Variants in SPEF2 observed in about 807,000 individuals in gnomAD.
SPEF2 encodes the protein sperm flagellar and cilia associated 2.
SPEF2 carries 187 observed loss-of-function variants against 224.6 expected under a neutral mutation model. That is an observed-to-expected ratio of 0.83 (90% CI 0.74 to 0.94). SPEF2 has a LOEUF of 0.94. Among genes scored for constraint, SPEF2 ranks in the 40% least tolerant of loss-of-function variants. SPEF2 has a pLI of 0.00. For synonymous variants in SPEF2, 715 were observed against 707.3 expected, an observed-to-expected ratio of 1.01 and a Z score of -0.17; for missense variants, 2,170 against 2,135.6, an observed-to-expected ratio of 1.02 and a Z score of -0.32.
intron 7 of SPEF2, among the ~76,000 whole-genome samples, chr5:35,656,330 T>C (rs750029931): frequency 6.6e-6 from 1 of 152,182 alleles, no homozygotes; most frequent in Non-Finnish European, 1.5e-5. Context: ...AATTTATTCA[T>C]GGATTCCACT....
At chr5:35,734,144 G>T (rs1228722012) in intron 21 of SPEF2, among the ~76,000 whole-genome samples, 5 of 152,214 alleles carry the variant, frequency 3.3e-5, no homozygotes, top group Non-Finnish European at 7.3e-5. Flanking sequence ...ATGACATAGG[G>T]AAAGAGGGAG....
chr5:35,635,661 C>T (rs1309284997), intron 2 of SPEF2, among the ~76,000 whole-genome samples: 1 of 152,060 alleles, frequency 6.6e-6, no homozygotes. Context: ...ATTTATTTGG[C>T]GAATCCAATT....
In SPEF2 at chr5:35,646,714, A is replaced by G. The variant is rs1011321523; in HGVS notation, c.633A>G (p.Gln211=). 1.1e-5 allele frequency: 17 copies of G among 1,613,824 alleles called. No homozygotes were observed. Among genetic ancestry groups the G allele is most frequent in the Non-Finnish European group, 1.4e-5 (17 of 1,179,910 alleles). ...AAAATGAAATAATGGCCAAAATCCA[A>G]GCAGCTATTATACAGATTCCTAAAC... is the stretch of plus-strand genomic sequence containing the variant. ...RRQNEIMAKI[Q]AAIIQIPKPA... The change falls in exon 5 of 37, where the codon CAA becomes CAG. Residue 211 remains glutamine, a synonymous_variant. Transcript: ENST00000356031.
intron 18 of SPEF2, among the ~76,000 whole-genome samples, chr5:35,706,091 AT>A (rs1358720070): frequency 2.0e-5 from 3 of 151,744 alleles, no homozygotes; most frequent in Non-Finnish European, 4.4e-5. Flanking sequence ...TTAAATTTAA[AT>A]GTTAATTCAC....
At position 35,695,770 on chromosome 5, in the gene SPEF2, G is replaced by T; in HGVS notation, c.2011G>T (p.Val671Phe). The change falls in exon 14 of 37, where the codon GTC (valine) becomes TTC (phenylalanine). Residue 671 changes from valine (V) to phenylalanine (F), a missense_variant. Transcript: ENST00000356031. ...NADKTPKAEE[V>F]KSSDSFLKLT... ...TGATAAAACACCAAAAGCTGAAGAA[G>T]TCAAATCAAGTGATAGTTTCTTAAA... 6.2e-7 allele frequency: 1 copy of T among 1,609,824 alleles called. No individual in the cohort carries two copies. The highest frequency in any genetic ancestry group is 8.5e-7 in the Non-Finnish European group (1 of 1,177,962).
chr5:35,773,411 A>T (rs1438165028), intron 27 of SPEF2, among the ~76,000 whole-genome samples: 1 of 152,106 alleles, frequency 6.6e-6, no homozygotes, highest in Non-Finnish European at 1.5e-5. Context: ...GAGATTACAG[A>T]TTCTTGACAA....
At chr5:35,708,706 A>ATCATCACCTGTATCT (rs1561236742) in intron 18 of SPEF2, among the ~76,000 whole-genome samples, 4 of 7,406 alleles carry the variant, frequency 5.4e-4, no homozygotes, top group South Asian at 5.7e-3. Context: ...CATCACCACC[A>ATCATCACCTGTATCT]CTACCCATCA....
At chr5:35,629,771 A>T (rs371164183) in intron 2 of SPEF2, among the ~76,000 whole-genome samples, 2 of 152,082 alleles carry the variant, frequency 1.3e-5, no homozygotes, top group African/African-American at 4.8e-5. Context: ...TATTCTACAC[A>T]TTTTATATCA....
At chr5:35,760,325 C>A (rs1751067778) in intron 25 of SPEF2, among the ~76,000 whole-genome samples, 1 of 149,792 alleles carries the variant, frequency 6.7e-6, no homozygotes, top group African/African-American at 2.5e-5. Flanking sequence ...ATCTCACCAC[C>A]GCACTCCAGC....
intron 33 of SPEF2, among the ~76,000 whole-genome samples, chr5:35,796,857 A>G (rs551975639): frequency 6.6e-6 from 1 of 152,292 alleles, no homozygotes; most frequent in African/African-American, 2.4e-5. Context: ...AGAGCAGGTA[A>G]GAGAAAGGGT....
rs2078137112 is a variant in SPEF2, at chr5:35,649,544, T to C, written c.791+119T>C. On this transcript the variant is annotated intron_variant, in intron 6 of 36. Transcript: ENST00000356031. ...TCCAGGATCTTTTCACTCCAAAGAA[T>C]CTTGATTCAGAGAGTAATTAGGGAA... 7.1e-6 allele frequency: 5 copies of C among 706,022 alleles called. No individual in the cohort carries two copies. In the South Asian group the frequency reaches 1.4e-4, roughly 20 times the overall value. 43.7% of individuals were successfully genotyped at this position (706,022 alleles called of 1,614,324 possible).
At position 35,667,205 on chromosome 5, in the gene SPEF2, A is replaced by T; in HGVS notation, c.1301A>T (p.Asp434Val). The T allele has an allele frequency of 6.2e-7, 1 of 1,609,284 alleles. No homozygotes were observed. Among genetic ancestry groups the T allele is most frequent in the Non-Finnish European group, 8.5e-7 (1 of 1,177,156 alleles). The change falls in exon 9 of 37, where the codon GAT becomes GTT. Residue 434 changes from aspartate (D) to valine (V), a missense_variant. Asp to Val is a radical substitution (Grantham distance 152, BLOSUM62 -3). Coordinates refer to ENST00000356031, the MANE Select transcript of SPEF2 (RefSeq NM_024867.4). ...TATTCAGTATGTGCAGAAATTTTGG[A>T]TCAAATAGTTGATTTGTCCACTAAA... Reference protein sequence around the residue: ...KHYSVCAEILDQIVDLSTKVA... With the variant: ...KHYSVCAEILVQIVDLSTKVA...
intron 23 of SPEF2, among the ~76,000 whole-genome samples, chr5:35,751,330 G>C (rs916109087): frequency 1.2e-4 from 17 of 142,124 alleles, no homozygotes; most frequent in African/African-American, 4.2e-4. Flanking sequence ...GAGTGGGAGG[G>C]GGGTGAAGGA....
chr5:35,727,832 A>T lies in SPEF2; in HGVS notation c.3063+9A>T, dbSNP rs114936685. ...ATGAACCAGTTCCTGAGGTATGGCC[A>T]TTTAGAATCAAGCTGGCAGAATTCA... On this transcript the variant is annotated intron_variant, in intron 21 of 36. Coordinates refer to ENST00000356031, the MANE Select transcript of SPEF2 (RefSeq NM_024867.4). 1,281 of 1,605,224 alleles carry T rather than the reference A, an allele frequency of 8.0e-4. 8 individuals carry two copies. In the African/African-American group the frequency reaches 0.015, roughly 19 times the overall value.
chr5:35,676,669 C>T (rs576382345), intron 10 of SPEF2, among the ~76,000 whole-genome samples: 4 of 152,038 alleles, frequency 2.6e-5, no homozygotes, highest in East Asian at 1.9e-4. Flanking sequence ...TCAGAGGTTT[C>T]AGTGAGCCAA....
chr5:35,628,394 A>AAG (rs1744572270), intron 1 of SPEF2, 66 bp from the exon 2 acceptor site: 1 of 1,022,632 alleles, frequency 9.8e-7, no homozygotes, highest in African/African-American at 1.6e-5. Context: ...TGTATATTTA[A>AAG]AGAGATCATT....
intron 3 of SPEF2, chr5:35,643,765 G>A (rs1746937556): frequency 3.6e-6 from 1 of 278,658 alleles, no homozygotes; most frequent in Non-Finnish European, 7.2e-6. Context: ...CCCTGTTTCA[G>A]GTGCTTTATG....
chr5:35,638,378 C>G (rs958089229), intron 2 of SPEF2, among the ~76,000 whole-genome samples: 1 of 151,956 alleles, frequency 6.6e-6, no homozygotes, highest in Non-Finnish European at 1.5e-5. Flanking sequence ...CCTCATTTAC[C>G]TTTCCAGCCA....
chr5:35,770,018 T>C (rs989411766), intron 26 of SPEF2, among the ~76,000 whole-genome samples: 26 of 135,558 alleles, frequency 1.9e-4, no homozygotes, highest in Non-Finnish European at 3.7e-4. Context: ...TGTGTGTGTG[T>C]GTGTGCATGT....
Sources: allele counts gnomAD v4.1 joint callset (sites outside exome capture counted in the v4.1 genomes callset), GRCh38; gene constraint gnomAD v4.1.1; transcripts MANE v1.5; gene names NCBI Gene and HGNC (gene_info 2026-07-23, HGNC 2026-07-21).